Variants in PLEKHG1 observed in about 807,000 individuals in gnomAD.
PLEKHG1 encodes pleckstrin homology and RhoGEF domain containing G1, also known as pleckstrin homology domain-containing family G member 1.
In PLEKHG1, 44 loss-of-function variants were observed where a neutral mutation model predicts 100.8. The ratio of observed to expected loss-of-function variants is 0.44; its 90% CI spans 0.34 to 0.56. The LOEUF is 0.56. Ranked by LOEUF, PLEKHG1 falls within the 20% of genes least tolerant of loss-of-function variation. The pLI, the probability that PLEKHG1 is intolerant of heterozygous loss-of-function variation, is 0.01. For missense variants in PLEKHG1, 1,545 were observed against 1,720.9 expected (o/e 0.90, Z 1.81); for synonymous variants, 640 against 662.5 (o/e 0.97, Z 0.52).
chr6:150,700,369 A>C (rs1008288901), intron 3 of PLEKHG1, among the ~76,000 whole-genome samples: 5 of 152,114 alleles, frequency 3.3e-5, no homozygotes, highest in Non-Finnish European at 5.9e-5. Context: ...AGAAATCCTC[A>C]GGCCCCACTC....
At chr6:150,841,607 A>C (rs1777535071) in exon 16 of PLEKHG1, 1 of 152,310 alleles carries the variant, frequency 6.6e-6, no homozygotes, top group Non-Finnish European at 1.5e-5. Flanking sequence ...GGGTGAAATG[A>C]ATGATTTCCT....
chr6:150,809,557 G>A (rs770199310), intron 9 of PLEKHG1, 81 bp downstream of exon 10: 175 of 1,487,044 alleles, frequency 1.2e-4, no homozygotes, highest in Middle Eastern at 3.5e-4. Context: ...TTTTGAGAGC[G>A]TTCTGGCCAC....
At chr6:150,836,114 C>T (rs1286413214) in intron 15 of PLEKHG1, among the ~76,000 whole-genome samples, 1 of 152,166 alleles carries the variant, frequency 6.6e-6, no homozygotes, top group Non-Finnish European at 1.5e-5. Context: ...CAGTGGCTCA[C>T]ATCTATAATC....
At chr6:150,812,051 A>G (rs769781550) in intron 10 of PLEKHG1, among the ~76,000 whole-genome samples, 25 of 152,122 alleles carry the variant, frequency 1.6e-4, no homozygotes, top group Admixed American at 4.6e-4. Context: ...TTTGCCCACT[A>G]AAAGTCAAGG....
At chr6:150,843,038 G>A (rs1037857083) in exon 16 of PLEKHG1, 12 of 152,178 alleles carry the variant, frequency 7.9e-5, no homozygotes, top group African/African-American at 2.7e-4. Context: ...AGAGGTGTGT[G>A]TAAGTGCATT....
At chr6:150,801,361 A>G (rs550413158) in intron 6 of PLEKHG1, among the ~76,000 whole-genome samples, 1 of 151,914 alleles carries the variant, frequency 6.6e-6, no homozygotes, top group South Asian at 2.1e-4. Flanking sequence ...ATTATTTTCC[A>G]CTACTTTTGC....
chr6:150,605,177 C>G (rs1400329892), intron 1 of PLEKHG1, among the ~76,000 whole-genome samples: 1 of 152,194 alleles, frequency 6.6e-6, no homozygotes, highest in East Asian at 1.9e-4. Flanking sequence ...GCAAATATTA[C>G]CTTTCAAAAG....
chr6:150,748,783 C>T (rs1783321660), intron 2 of PLEKHG1, among the ~76,000 whole-genome samples: 2 of 151,198 alleles, frequency 1.3e-5, no homozygotes, highest in Non-Finnish European at 2.9e-5. Flanking sequence ...CCACCATGCC[C>T]GGCTAATTTT....
chr6:150,716,249 G>GA (rs1248168223), upstream of PLEKHG1, among the ~76,000 whole-genome samples: 2 of 152,134 alleles, frequency 1.3e-5, no homozygotes, highest in African/African-American at 4.8e-5. Flanking sequence ...CATTTTCCAT[G>GA]AAAAATGTTC....
chr6:150,822,841 A>T (rs1178410), intron 13 of PLEKHG1, among the ~76,000 whole-genome samples: 1 of 152,050 alleles, frequency 6.6e-6, no homozygotes, highest in Non-Finnish European at 1.5e-5. Context: ...TTCACCAGGC[A>T]TGGTGGTTTA....
intron 2 of PLEKHG1, among the ~76,000 whole-genome samples, chr6:150,645,778 T>C (rs952901565): frequency 2.0e-5 from 3 of 151,964 alleles, no homozygotes; most frequent in African/African-American, 7.3e-5. Context: ...GTGGAACTCT[T>C]ATACACTATG....
chr6:150,815,751 A>G (rs1293977380), intron 10 of PLEKHG1, among the ~76,000 whole-genome samples: 1 of 152,244 alleles, frequency 6.6e-6, no homozygotes, highest in South Asian at 2.1e-4. Context: ...GATATCACAG[A>G]TGGTAGCAAA....
chr6:150,653,101 G>C (rs1394020818), intron 3 of PLEKHG1, among the ~76,000 whole-genome samples: 1 of 152,142 alleles, frequency 6.6e-6, no homozygotes, highest in Non-Finnish European at 1.5e-5. Context: ...TGAGTAGCTT[G>C]AAAATCAATA....
intron 6 of PLEKHG1, 35 bp from the exon 8 acceptor site, chr6:150,804,575 A>G (rs1786929179): frequency 6.5e-6 from 7 of 1,073,614 alleles, no homozygotes; most frequent in South Asian, 5.2e-5. Flanking sequence ...AAATAAAATG[A>G]AAAAAAAAAA....
chr6:150,678,063 C>CATATATATAT lies in PLEKHG1; in HGVS notation c.-99+27308_-99+27317dup, dbSNP rs201616866. ...TGGGATACAATGTGATGTTTTGATG[C>CATATATATAT]ATATATATATATATATATATATATA... On this transcript the variant is annotated intron_variant, in intron 3 of 3. Transcript: ENST00000367326. 1.5e-3 allele frequency among the ~76,000 whole-genome samples: 93 copies of CATATATATAT among 60,118 alleles called. 1 individual carries two copies. The highest frequency in any genetic ancestry group is 1.8e-3 in the Non-Finnish European group (58 of 32,242). The allele number at this position is 60,118 out of a possible 152,430, so 39.4% of individuals were successfully genotyped here. A position where few individuals can be genotyped will look rare whatever the true frequency, so the allele number is the denominator to read the frequency against.
At chr6:150,842,513 A>G (rs1777569387) in exon 16 of PLEKHG1, 1 of 152,264 alleles carries the variant, frequency 6.6e-6, no homozygotes, top group East Asian at 1.9e-4. Context: ...ATGTGATTTT[A>G]TTTTTAAATA....
At chr6:150,786,570 A>G (rs1785634212) in intron 4 of PLEKHG1, 111 bp downstream of exon 5, 3 of 689,190 alleles carry the variant, frequency 4.4e-6, no homozygotes, top group Admixed American at 2.7e-5. Context: ...GTTAGCCACT[A>G]ATCTTTCTCT....
intron 12 of PLEKHG1, 58 bp downstream of exon 13, chr6:150,819,832 C>T: frequency 1.1e-6 from 1 of 951,410 alleles, no homozygotes; most frequent in South Asian, 1.3e-5. Flanking sequence ...AATGAAAGTC[C>T]CTTTGAGTCT....
chr6:150,798,923 G>A (rs1583153704), intron 5 of PLEKHG1, among the ~76,000 whole-genome samples: 1 of 151,986 alleles, frequency 6.6e-6, no homozygotes, highest in African/African-American at 2.4e-5. Flanking sequence ...GTATTTTTAG[G>A]AGAGAGGGGG....
Sources: gnomAD v4.1 joint callset for allele counts (sites outside exome capture counted in the v4.1 genomes callset) on GRCh38, gnomAD v4.1.1 for gene constraint, MANE v1.5 for transcripts, NCBI Gene and HGNC (gene_info 2026-07-23, HGNC 2026-07-21) for gene names.